Variants in ARHGEF40 observed in about 807,000 individuals in gnomAD.
ARHGEF40 encodes the protein Rho guanine nucleotide exchange factor (GEF) 40.
A neutral mutation model predicts 165.9 loss-of-function variants in ARHGEF40; 98 were observed. That is an observed-to-expected ratio of 0.59 (90% CI 0.50 to 0.70). The LOEUF (loss-of-function observed/expected upper bound fraction) is 0.70, where lower values mean the gene tolerates loss of function less well. Among genes scored for constraint, ARHGEF40 ranks in the 30% least tolerant of loss-of-function variants. The probability of loss-of-function intolerance (pLI) is 0.00; values close to 1 mark genes in which losing one functional copy is unlikely to be tolerated. For synonymous variants in ARHGEF40, 792 were observed against 814.3 expected (o/e 0.97, Z 0.47); for missense variants, 1,815 against 1,968.0 (o/e 0.92, Z 1.47).
rs572925312 is a variant in ARHGEF40, at chr14:21,085,353, T to A, written c.3961-336T>A. 2.6e-5 allele frequency among the ~76,000 whole-genome samples: 4 copies of A among 152,276 alleles called. No individual in the cohort carries two copies. The East Asian group carries it at 7.7e-4, about 29-fold the overall frequency. ...CAACCTATGGTCCTGGATCAGGCAG[T>A]GTGGAATGGATTCTAAGGGTTTCTA... On this transcript the variant is annotated intron_variant, in intron 18 of 23. Transcript: ENST00000298694.
At chr14:21,068,086 G>A (rs1421827791), upstream of ARHGEF40, among the ~76,000 whole-genome samples, 2 of 24,504 alleles carry the variant, frequency 8.2e-5, 1 homozygote, top group African/African-American at 1.7e-4. Context: ...TGCAAGCTCC[G>A]CCTCCCGGGT....
Position 21,081,741 on chromosome 14 carries a change from A to G in ARHGEF40, c.2873A>G (p.Glu958Gly). The change falls in exon 14 of 24, where the codon GAG (glutamate) becomes GGG (glycine). Residue 958 changes from glutamate (E) to glycine (G), a missense_variant. Transcript: ENST00000298694. ...AGGAGGATCCAGCAACACGTGGGAGAGGAGGCGAGCCCACGGGGCTACCGA... is the reference window on the plus strand; with the variant it reads ...AGGAGGATCCAGCAACACGTGGGAGGGGAGGCGAGCCCACGGGGCTACCGA... ...LERRIQQHVG[E>G]EASPRGYRRR... The G allele has an allele frequency of 6.3e-7, 1 of 1,578,280 alleles. No individual in the cohort carries two copies. The highest frequency in any genetic ancestry group is 8.6e-7 in the Non-Finnish European group (1 of 1,162,142).
chr14:21,083,713 G>A (rs1340026644), intron 16 of ARHGEF40, 122 bp from the exon 17 acceptor site: 2 of 846,708 alleles, frequency 2.4e-6, no homozygotes, highest in Admixed American at 5.8e-5. Context: ...TTACTTTAGG[G>A]AGCATCTGGG....
rs1484087392 is a variant in ARHGEF40, at chr14:21,076,349, T to C, written c.1740-11T>C. The C allele has an allele frequency of 2.7e-5, 44 of 1,612,300 alleles. No homozygotes were observed. The highest frequency in any genetic ancestry group is 3.5e-5 in the Non-Finnish European group (41 of 1,179,594). On this transcript the variant is annotated splice_polypyrimidine_tract_variant and intron_variant, in intron 5 of 23. Coordinates refer to ENST00000298694, the MANE Select transcript of ARHGEF40 (RefSeq NM_018071.5). The stretch of plus-strand genomic sequence containing the variant: ...ACACAGCAGCCTCCTTGGCTCTTCC[T>C]GCTCCCGCAGGCCTGATCTACAGAC...
chr14:21,067,310 A>G (rs1014080573), upstream of ARHGEF40, among the ~76,000 whole-genome samples: 1 of 152,022 alleles, frequency 6.6e-6, no homozygotes. Flanking sequence ...CCACGGGGAC[A>G]TATCTATCAC....
At chr14:21,077,842 A>G (rs1887549306) in intron 8 of ARHGEF40, among the ~76,000 whole-genome samples, 1 of 152,154 alleles carries the variant, frequency 6.6e-6, no homozygotes, top group Non-Finnish European at 1.5e-5. Context: ...AGGCAGAGAG[A>G]GGGGGTGTGA....
Position 21,089,048 on chromosome 14 carries a change from C to A in ARHGEF40, c.*40C>A. 1 of 618,356 alleles carries A rather than the reference C, an allele frequency of 1.6e-6. No homozygotes were observed. The highest frequency in any genetic ancestry group is 2.2e-5 in the South Asian group (1 of 44,546). The allele number at this position is 618,356 out of a possible 1,614,324, so 38.3% of individuals were successfully genotyped here. On this transcript the variant is annotated 3_prime_UTR_variant, in exon 24 of 24. Transcript: ENST00000298694. ...AGAACTTGCGTGCAGCTTCTCCTCTCAGCACACTTTGGGCTGGGATGGCAG... is the reference window on the plus strand; with the variant it reads ...AGAACTTGCGTGCAGCTTCTCCTCTAAGCACACTTTGGGCTGGGATGGCAG...
chr14:21,088,766 G>C, intron 22 of ARHGEF40, 64 bp from the exon 23 acceptor site: 1 of 1,526,730 alleles, frequency 6.5e-7, no homozygotes, highest in Non-Finnish European at 9.0e-7. Flanking sequence ...GGGAGGAATG[G>C]AGGAAAAGAG....
At chr14:21,082,729 C>T in intron 15 of ARHGEF40, 102 bp from the exon 16 acceptor site, 1 of 1,270,470 alleles carries the variant, frequency 7.9e-7, no homozygotes, top group Non-Finnish European at 1.1e-6. Flanking sequence ...CCCTGGTGAC[C>T]CATCCCTCAT....
chr14:21,070,435 G>GGTCTGTCT lies in ARHGEF40; in HGVS notation c.3+36_3+37insGTCTGTCT. On this transcript the variant is annotated intron_variant, in intron 1 of 23. Coordinates refer to ENST00000298694, the MANE Select transcript of ARHGEF40 (RefSeq NM_018071.5). This position sits in a 1 kb window ranked among gnomAD's most constrained non-coding sequence, Gnocchi z 4.7. ...CGTCGCAGCCCCCTGGGTCCCCTCG[G>GGTCTGTCT]CCTTCGCGCAGCCCGCTCCGGGCCC... is the stretch of plus-strand genomic sequence containing the variant. The GGTCTGTCT allele has an allele frequency of 7.2e-7, 1 of 1,386,166 alleles. No individual in the cohort carries two copies. The highest frequency in any genetic ancestry group is 1.7e-5 in the South Asian group (1 of 59,206). The allele number at this position is 1,386,166 out of a possible 1,614,324, so 85.9% of individuals were successfully genotyped here. A position where few individuals can be genotyped will look rare whatever the true frequency, so the allele number is the denominator to read the frequency against.
Position 21,075,746 on chromosome 14 carries a change from T to C in ARHGEF40, c.1720T>C (p.Tyr574His). Residue 574 changes from tyrosine (Y) to histidine (H), a missense_variant, in exon 5 of 24, where the codon TAC (tyrosine) becomes CAC (histidine). Transcript: ENST00000298694. This position sits in a 1 kb window ranked among gnomAD's most constrained non-coding sequence, Gnocchi z 4.5. ...SRDTLNTTLH[Y>H]LHSLLRPDLQ... ...AGACACGCTGAACACAACTCTTCAT[T>C]ACCTCCACTCACTGCTCAGGTAACC... The C allele has an allele frequency of 6.2e-7, 1 of 1,613,414 alleles. No individual in the cohort carries two copies. The highest frequency in any genetic ancestry group is 8.5e-7 in the Non-Finnish European group (1 of 1,179,918).
intron 19 of ARHGEF40, 95 bp from the exon 20 acceptor site, chr14:21,086,906 C>CG: frequency 1.2e-6 from 1 of 855,526 alleles, no homozygotes; most frequent in East Asian, 2.8e-5. Context: ...TGGGAAGGAA[C>CG]GAAAAAAAAA....
chr14:21,073,381 T>A lies in ARHGEF40; in HGVS notation c.201+139T>A. On this transcript the variant is annotated intron_variant, in intron 2 of 23. Transcript: ENST00000298694. This position sits in a 1 kb window ranked among gnomAD's most constrained non-coding sequence, Gnocchi z 4.6. ...CCGATCTCTCCAGAATCACTTAAGC[T>A]TCATTCTCTGACCTCTCACAAACTT... 9.9e-7 allele frequency: 1 copy of A among 1,007,304 alleles called. No homozygotes were observed. Among genetic ancestry groups the A allele is most frequent in the Non-Finnish European group, 1.4e-6 (1 of 699,418 alleles). The allele number at this position is 1,007,304 out of a possible 1,614,324, so 62.4% of individuals were successfully genotyped here.
At chr14:21,066,837 A>G (rs961237067), upstream of ARHGEF40, among the ~76,000 whole-genome samples, 5 of 152,212 alleles carry the variant, frequency 3.3e-5, no homozygotes, top group Non-Finnish European at 7.3e-5. Context: ...ATAAAACCAA[A>G]ACCAATGAAA....
chr14:21,078,096 G>T, intron 8 of ARHGEF40, 81 bp from the exon 9 acceptor site: 8 of 1,288,756 alleles, frequency 6.2e-6, no homozygotes, highest in Non-Finnish European at 8.5e-6. Flanking sequence ...AAAGTCTCTG[G>T]GGCTACCGCA....
Position 21,076,809 on chromosome 14 carries a change from A to T in ARHGEF40, c.1953A>T (p.Arg651Ser). 3.7e-6 allele frequency: 6 copies of T among 1,614,090 alleles called. No individual in the cohort carries two copies. The highest frequency in any genetic ancestry group is 5.1e-6 in the Non-Finnish European group (6 of 1,180,020). The change falls in exon 8 of 24, where the codon AGA (arginine) becomes AGT (serine). Residue 651 changes from arginine to serine, a missense_variant. Coordinates refer to ENST00000298694, the MANE Select transcript of ARHGEF40 (RefSeq NM_018071.5). ...TGCTGTCAGAGAATGATCTGAAAAG[A>T]GTGGCCAAGCCAGAGGAGCTGCAGT... is the stretch of plus-strand genomic sequence containing the variant. The part of the protein sequence containing the change: ...AEVLSENDLK[R>S]VAKPEELQWE...
In ARHGEF40 at chr14:21,074,669, A is replaced by C; in HGVS notation, c.939A>C (p.Gly313=). The C allele has an allele frequency of 3.2e-6, 5 of 1,571,846 alleles. No individual in the cohort carries two copies. Among genetic ancestry groups the C allele is most frequent in the Non-Finnish European group, 4.3e-6 (5 of 1,159,958 alleles). The change falls in exon 3 of 24, where the codon GGA becomes GGC. Residue 313 remains glycine, a synonymous_variant. Transcript: ENST00000298694. This position sits in a 1 kb window ranked among gnomAD's most constrained non-coding sequence, Gnocchi z 4.8. ...CACCCGGCGAGGGGAGCAGCACCGGAGCCTCCCCTGAGTCTCCCCCAGGAG... is the reference window on the plus strand; with the variant it reads ...CACCCGGCGAGGGGAGCAGCACCGGCGCCTCCCCTGAGTCTCCCCCAGGAG... ...ARPPGEGSST[G]ASPESPPGAE... is the part of the protein sequence containing the mutation.
upstream of ARHGEF40, among the ~76,000 whole-genome samples, chr14:21,067,039 C>T (rs1488293562): frequency 6.6e-6 from 1 of 152,148 alleles, no homozygotes; most frequent in Non-Finnish European, 1.5e-5. Flanking sequence ...GGGGCTGAGG[C>T]ACAGCCCTAG....
rs774292705 is a variant in ARHGEF40, at chr14:21,075,225, G to A, written c.1450+45G>A. 2.5e-6 allele frequency: 4 copies of A among 1,584,584 alleles called. No homozygotes were observed. Among genetic ancestry groups the A allele is most frequent in the Admixed American group, 1.7e-5 (1 of 57,850 alleles). ...GGCTCATGGGGCAAGGGCCAAAGCAGGTCGGGCCTATGGGAGGGGGCAGGA... is the reference window on the plus strand; with the variant it reads ...GGCTCATGGGGCAAGGGCCAAAGCAAGTCGGGCCTATGGGAGGGGGCAGGA... On this transcript the variant is annotated intron_variant, in intron 3 of 23. Coordinates refer to ENST00000298694, the MANE Select transcript of ARHGEF40 (RefSeq NM_018071.5). The surrounding 1 kb of genome is among the most constrained non-coding windows in gnomAD (Gnocchi z 4.5).
Sources: gnomAD v4.1 joint callset for allele counts (sites outside exome capture counted in the v4.1 genomes callset) on GRCh38, gnomAD v4.1.1 for gene constraint, Gnocchi (gnomAD v3.1) non-coding constraint, MANE v1.5 for transcripts, NCBI Gene and HGNC (gene_info 2026-07-23, HGNC 2026-07-21) for gene names.